Variants in SPATA31H1 observed in about 807,000 individuals in gnomAD.
The protein encoded by SPATA31H1 is SPATA31 subfamily H member 1.
chr2:27,540,351 G>A, the SPATA31H1 span, among the ~76,000 whole-genome samples: 1 of 117,272 alleles, frequency 8.5e-6, no homozygotes, highest in Non-Finnish European at 1.8e-5. Context: ...CGGCCGGGCA[G>A]AGGCGCCCCT....
At chr2:27,577,052 T>G in the SPATA31H1 span, 1 of 1,614,104 alleles carries the variant, frequency 6.2e-7, no homozygotes, top group Non-Finnish European at 8.5e-7. The surrounding 1 kb of genome is among the most constrained non-coding windows in gnomAD (Gnocchi z 4.5). Context: ...CCACAGAATC[T>G]TCAGAAATGG....
At chr2:27,578,915 T>C in the SPATA31H1 span, 5 of 1,614,192 alleles carry the variant, frequency 3.1e-6, no homozygotes, top group South Asian at 4.4e-5. Flanking sequence ...AAGAGACCTA[T>C]ATAGACCCTA....
chr2:27,566,072 G>A, the SPATA31H1 span: 5 of 717,376 alleles, frequency 7.0e-6, no homozygotes, highest in East Asian at 1.3e-4. Context: ...ACCTCAGGAT[G>A]GCTTGCACTG....
chr2:27,545,564 C>T, the SPATA31H1 span, among the ~76,000 whole-genome samples: 2 of 145,338 alleles, frequency 1.4e-5, no homozygotes, highest in African/African-American at 5.2e-5. Flanking sequence ...TGGCATTGTC[C>T]ATCTTTTCCT....
the SPATA31H1 span, chr2:27,577,996 T>G: frequency 5.0e-6 from 8 of 1,614,024 alleles, no homozygotes; most frequent in African/African-American, 9.3e-5. This position sits in a 1 kb window ranked among gnomAD's most constrained non-coding sequence, Gnocchi z 4.5. Context: ...GTAGAATTTA[T>G]GAGGATTAGT....
the SPATA31H1 span, chr2:27,570,659 AC>A: frequency 5.0e-6 from 2 of 398,960 alleles, no homozygotes; most frequent in Non-Finnish European, 8.9e-6. Context: ...ACTCAGGGCC[AC>A]AGCTACAATG....
At chr2:27,543,928 C>T in the SPATA31H1 span, among the ~76,000 whole-genome samples, 91 of 152,060 alleles carry the variant, frequency 6.0e-4, 2 homozygotes, top group African/African-American at 2.2e-3. Flanking sequence ...CAGATCTAGA[C>T]TTATTGACGG....
At chr2:27,571,064 G>A in the SPATA31H1 span, 2 of 398,438 alleles carry the variant, frequency 5.0e-6, no homozygotes, top group East Asian at 3.6e-5. Flanking sequence ...GATCTGAAAA[G>A]CTAACCTCAG....
the SPATA31H1 span, among the ~76,000 whole-genome samples, chr2:27,555,066 A>G: frequency 6.6e-6 from 1 of 152,028 alleles, no homozygotes; most frequent in Non-Finnish European, 1.5e-5. Context: ...GTCTCCTTCT[A>G]TTCCTGTTTG....
the SPATA31H1 span, among the ~76,000 whole-genome samples, chr2:27,539,857 C>T: frequency 1.0e-5 from 1 of 99,798 alleles, no homozygotes; most frequent in South Asian, 3.0e-4. Flanking sequence ...GGCGGCTGGC[C>T]AGGCGTGGGG....
the SPATA31H1 span, chr2:27,569,720 GC>G: frequency 2.5e-6 from 1 of 398,876 alleles, no homozygotes. Flanking sequence ...CAGAGCTACC[GC>G]TACAAAGTAT....
At chr2:27,571,206 C>T in the SPATA31H1 span, 1 of 398,352 alleles carries the variant, frequency 2.5e-6, no homozygotes, top group African/African-American at 2.1e-5. Context: ...CCCAGAGCCA[C>T]AGGCAGGAGG....
At chr2:27,568,320 C>A in the SPATA31H1 span, 16 of 398,848 alleles carry the variant, frequency 4.0e-5, no homozygotes, top group African/African-American at 2.5e-4. Context: ...GCCAGGGCCA[C>A]AGCATAAAGT....
chr2:27,574,623 A>C, the SPATA31H1 span: 1 of 398,358 alleles, frequency 2.5e-6, no homozygotes, highest in African/African-American at 2.1e-5. Context: ...TGGACAACAG[A>C]CACAAAGCGA....
At chr2:27,544,909 C>A in the SPATA31H1 span, among the ~76,000 whole-genome samples, 3 of 151,564 alleles carry the variant, frequency 2.0e-5, no homozygotes, top group Non-Finnish European at 4.4e-5. Context: ...GGGGACCCAG[C>A]GTATATTGAA....
At chr2:27,577,126 T>C in the SPATA31H1 span, 1 of 1,614,076 alleles carries the variant, frequency 6.2e-7, no homozygotes, top group East Asian at 2.2e-5. The surrounding 1 kb of genome is among the most constrained non-coding windows in gnomAD (Gnocchi z 4.5). Flanking sequence ...ACCCCAAAGC[T>C]AACAGGTAGA....
the SPATA31H1 span, chr2:27,576,857 A>G: frequency 1.2e-6 from 2 of 1,614,172 alleles, no homozygotes. Context: ...AATTAGCACC[A>G]GGGTCACTGC....
chr2:27,541,945 A>AT, the SPATA31H1 span, among the ~76,000 whole-genome samples: 865 of 151,574 alleles, frequency 5.7e-3, 18 homozygotes, highest in African/African-American at 0.02. Context: ...TAATTTTTTA[A>AT]TTTTTTTTGG....
the SPATA31H1 span, chr2:27,565,432 T>C: frequency 1.2e-3 from 872 of 717,010 alleles, 2 homozygotes; most frequent in Non-Finnish European, 1.7e-3. Flanking sequence ...AACAGACCAA[T>C]TGTGGGTCAG....
Sources: allele counts gnomAD v4.1 joint callset (sites outside exome capture counted in the v4.1 genomes callset), GRCh38; gene constraint gnomAD v4.1.1; non-coding constraint Gnocchi (gnomAD v3.1); transcripts MANE v1.5; gene names NCBI Gene and HGNC (gene_info 2026-07-23, HGNC 2026-07-21).